Variants in TSPAN5 observed in about 807,000 individuals in gnomAD.
The protein encoded by TSPAN5 is tetraspanin-5.
A neutral mutation model predicts 37.1 loss-of-function variants in TSPAN5; 10 were observed. The ratio of observed to expected loss-of-function variants is 0.27; its 90% CI spans 0.17 to 0.46. The LOEUF is 0.46. Among genes scored for constraint, TSPAN5 ranks in the 20% least tolerant of loss-of-function variants. TSPAN5 has a pLI of 1.00. For missense variants in TSPAN5, 195 were observed against 326.6 expected (o/e 0.60, Z 3.11); for synonymous variants, 110 against 118.9 (o/e 0.93, Z 0.48).
chr4:98,574,100 T>C (rs998153633), intron 1 of TSPAN5, among the ~76,000 whole-genome samples: 6 of 152,264 alleles, frequency 3.9e-5, no homozygotes, highest in African/African-American at 1.4e-4. Context: ...AAGTATTTGT[T>C]GAACTGAATT....
intron 2 of TSPAN5, among the ~76,000 whole-genome samples, chr4:98,491,266 CAAG>C (rs1429606341): frequency 6.6e-6 from 1 of 152,162 alleles, no homozygotes; most frequent in Non-Finnish European, 1.5e-5. Context: ...TCTTGAAACA[CAAG>C]AAGTGAATGT....
chr4:98,507,789 C>T (rs1753511327), intron 1 of TSPAN5, 61 bp from the exon 2 acceptor site: 1 of 1,245,216 alleles, frequency 8.0e-7, no homozygotes. Flanking sequence ...AAAGAAGAAA[C>T]TTTTCAATCA....
chr4:98,518,064 G>A (rs1428431765), intron 1 of TSPAN5, among the ~76,000 whole-genome samples: 1 of 150,750 alleles, frequency 6.6e-6, no homozygotes, highest in African/African-American at 2.4e-5. Context: ...ACTGTCAGAT[G>A]CACACTGTTT....
chr4:98,543,454 C>T (rs192460579), intron 1 of TSPAN5, among the ~76,000 whole-genome samples: 9 of 148,458 alleles, frequency 6.1e-5, no homozygotes, highest in South Asian at 2.1e-4. Context: ...CTCCCTCTGT[C>T]GCCCAGACTA....
chr4:98,537,920 T>C (rs1211290173), intron 1 of TSPAN5, among the ~76,000 whole-genome samples: 1 of 152,236 alleles, frequency 6.6e-6, no homozygotes, highest in Admixed American at 6.5e-5. Flanking sequence ...GTTCACCTTC[T>C]TCCATGCTGA....
chr4:98,607,441 T>G (rs1241611547), intron 1 of TSPAN5, among the ~76,000 whole-genome samples: 2 of 152,326 alleles, frequency 1.3e-5, no homozygotes, highest in African/African-American at 4.8e-5. Flanking sequence ...TTGCTATCTT[T>G]AAGTAGAAAT....
chr4:98,568,822 T>C (rs755416549), intron 1 of TSPAN5, among the ~76,000 whole-genome samples: 6 of 152,166 alleles, frequency 3.9e-5, no homozygotes, highest in African/African-American at 7.2e-5. Flanking sequence ...AAGTATTATA[T>C]CTAAGGGTAA....
intron 1 of TSPAN5, among the ~76,000 whole-genome samples, chr4:98,618,160 T>C (rs1756382184): frequency 6.6e-6 from 1 of 152,178 alleles, no homozygotes; most frequent in Non-Finnish European, 1.5e-5. Context: ...CTCCCACAGA[T>C]GTTAGAAAAA....
At chr4:98,600,789 C>T (rs1452251512) in intron 1 of TSPAN5, among the ~76,000 whole-genome samples, 1 of 152,180 alleles carries the variant, frequency 6.6e-6, no homozygotes, top group Non-Finnish European at 1.5e-5. Flanking sequence ...TCATGAAGGA[C>T]CTTAATGGCA....
At chr4:98,532,675 T>C (rs1754123617) in intron 1 of TSPAN5, among the ~76,000 whole-genome samples, 1 of 152,128 alleles carries the variant, frequency 6.6e-6, no homozygotes, top group African/African-American at 2.4e-5. Flanking sequence ...ATAACCTTTA[T>C]TTTTATTTCT....
intron 1 of TSPAN5, among the ~76,000 whole-genome samples, chr4:98,515,993 G>A (rs148783739): frequency 5.9e-5 from 9 of 152,098 alleles, no homozygotes; most frequent in Non-Finnish European, 7.4e-5. Flanking sequence ...TTTCCTCTCC[G>A]TAACCTTATT....
At chr4:98,518,875 G>C (rs114132955) in intron 1 of TSPAN5, among the ~76,000 whole-genome samples, 1,717 of 152,372 alleles carry the variant, frequency 0.011, 33 homozygotes, top group African/African-American at 0.039. Context: ...CTCTGGGCTA[G>C]AAGGGTTAAG....
At chr4:98,571,857 T>C (rs1461898944) in intron 1 of TSPAN5, among the ~76,000 whole-genome samples, 1 of 152,180 alleles carries the variant, frequency 6.6e-6, no homozygotes, top group Non-Finnish European at 1.5e-5. Context: ...CTACCAGACA[T>C]TGTGGATATA....
chr4:98,619,931 T>A (rs1756443184), intron 1 of TSPAN5, among the ~76,000 whole-genome samples: 1 of 152,128 alleles, frequency 6.6e-6, no homozygotes, highest in Non-Finnish European at 1.5e-5. Context: ...AATTTCACCC[T>A]TAGGATCTAA....
chr4:98,541,065 T>C (rs1021474536), intron 1 of TSPAN5, among the ~76,000 whole-genome samples: 2 of 152,176 alleles, frequency 1.3e-5, no homozygotes, highest in African/African-American at 4.8e-5. Flanking sequence ...TAAATCATTT[T>C]CTCTCTTTGA....
chr4:98,636,527 C>T (rs991108222), intron 1 of TSPAN5, among the ~76,000 whole-genome samples: 6 of 151,906 alleles, frequency 3.9e-5, no homozygotes, highest in South Asian at 2.1e-4. Context: ...GGGAGAGTGG[C>T]GCTTTAGGGA....
At chr4:98,559,986 C>T (rs1433221980) in intron 1 of TSPAN5, among the ~76,000 whole-genome samples, 2 of 152,166 alleles carry the variant, frequency 1.3e-5, no homozygotes, top group Non-Finnish European at 2.9e-5. Context: ...AAAAAACAGG[C>T]GTTCTCTTAA....
chr4:98,561,039 C>T (rs1754871994), intron 1 of TSPAN5, among the ~76,000 whole-genome samples: 1 of 152,218 alleles, frequency 6.6e-6, no homozygotes, highest in Admixed American at 6.5e-5. Context: ...TCTGGTCACC[C>T]AGCTAGACCA....
At chr4:98,598,098 GC>G (rs1401076365) in intron 1 of TSPAN5, among the ~76,000 whole-genome samples, 1 of 100,574 alleles carries the variant, frequency 9.9e-6, no homozygotes, top group Non-Finnish European at 1.9e-5. Context: ...GATTTCGTGG[GC>G]GTAGGACCCT....
Sources: gnomAD v4.1 joint callset for allele counts (sites outside exome capture counted in the v4.1 genomes callset) on GRCh38, gnomAD v4.1.1 for gene constraint, MANE v1.5 for transcripts, NCBI Gene and HGNC (gene_info 2026-07-23, HGNC 2026-07-21) for gene names.